PTPRJ: variants seen among roughly 807,000 people sequenced by gnomAD.
PTPRJ encodes the protein receptor-type tyrosine-protein phosphatase eta.
PTPRJ carries 129 observed loss-of-function variants against 141.3 expected under a neutral mutation model. That is an observed-to-expected ratio of 0.91 (90% CI 0.79 to 1.06). The LOEUF (loss-of-function observed/expected upper bound fraction) is 1.06. Ranked by LOEUF, PTPRJ falls within the 50% of genes least tolerant of loss-of-function variation. PTPRJ has a pLI of 0.00. For missense variants in PTPRJ, 1,601 were observed against 1,679.7 expected (o/e 0.95, Z 0.82); for synonymous variants, 610 against 640.5 (o/e 0.95, Z 0.72).
intron 1 of PTPRJ, 134 bp from the exon 2 acceptor site, chr11:48,109,924 G>T: frequency 1.0e-6 from 1 of 981,164 alleles, no homozygotes; most frequent in South Asian, 1.4e-5. Flanking sequence ...GCCTAACCCT[G>T]ACCAGCAGAC....
chr11:48,090,216 A>G (rs926474329), intron 1 of PTPRJ, among the ~76,000 whole-genome samples: 1 of 152,168 alleles, frequency 6.6e-6, no homozygotes, highest in African/African-American at 2.4e-5. Flanking sequence ...CTGCCTGTGC[A>G]TCCTTAGCTG....
intron 2 of PTPRJ, among the ~76,000 whole-genome samples, chr11:48,110,637 T>C (rs942077057): frequency 6.6e-6 from 1 of 152,274 alleles, no homozygotes; most frequent in Non-Finnish European, 1.5e-5. Flanking sequence ...TTTAACTTAG[T>C]TGAAATTGTA....
At position 48,130,728 on chromosome 11, in the gene PTPRJ, G is replaced by C; in HGVS notation, c.1615+12G>C. On this transcript the variant is annotated intron_variant, in intron 8 of 24. Transcript: ENST00000418331. ...TTGCAATAGAACTGGTAAGCAAATA[G>C]GCTTTTCTGTTAAACCATCATGTTT... 6.3e-7 allele frequency: 1 copy of C among 1,581,732 alleles called. No homozygotes were observed. Among genetic ancestry groups the C allele is most frequent in the South Asian group, 1.1e-5 (1 of 87,930 alleles).
chr11:48,115,616 A>G (rs1242881414), intron 3 of PTPRJ, among the ~76,000 whole-genome samples: 1 of 152,244 alleles, frequency 6.6e-6, no homozygotes, highest in Non-Finnish European at 1.5e-5. Flanking sequence ...AAAGGATAAG[A>G]CTAGTAAAAT....
chr11:48,145,715 T>C (rs1857335503), intron 14 of PTPRJ, among the ~76,000 whole-genome samples: 1 of 152,034 alleles, frequency 6.6e-6, no homozygotes, highest in South Asian at 2.1e-4. Flanking sequence ...CCTGCTACCA[T>C]GCCCAGCTAA....
chr11:48,121,798 C>CT (rs200021579), intron 4 of PTPRJ, among the ~76,000 whole-genome samples: 3,182 of 151,248 alleles, frequency 0.021, 111 homozygotes, highest in African/African-American at 0.072. Flanking sequence ...GCAAACTTAG[C>CT]TTTTTTTTTA....
At chr11:47,994,930 T>C (rs1854293313) in intron 1 of PTPRJ, among the ~76,000 whole-genome samples, 1 of 152,162 alleles carries the variant, frequency 6.6e-6, no homozygotes, top group South Asian at 2.1e-4. Context: ...TCTGGGGGTG[T>C]GAGAGCGCTC....
chr11:48,128,083 C>T, intron 7 of PTPRJ, 40 bp downstream of exon 7: 1 of 1,585,868 alleles, frequency 6.3e-7, no homozygotes. Flanking sequence ...TTCCTGCTGT[C>T]CTGCTCCGTG....
intron 1 of PTPRJ, among the ~76,000 whole-genome samples, chr11:48,100,963 C>T (rs1193361681): frequency 6.6e-6 from 1 of 152,054 alleles, no homozygotes; most frequent in East Asian, 1.9e-4. Context: ...AGCATTTTAC[C>T]CTCCTTTGCT....
At chr11:48,035,028 T>C (rs1388065671) in intron 1 of PTPRJ, among the ~76,000 whole-genome samples, 2 of 152,190 alleles carry the variant, frequency 1.3e-5, no homozygotes. Context: ...CTCGAGTTTG[T>C]CTGGCTTCCG....
chr11:47,986,156 C>T (rs143021948), intron 1 of PTPRJ, among the ~76,000 whole-genome samples: 17 of 152,282 alleles, frequency 1.1e-4, no homozygotes, highest in Admixed American at 2.0e-4. Flanking sequence ...GTATGATCTG[C>T]TCCATTTGTA....
chr11:48,127,033 C>T (rs181750292), intron 6 of PTPRJ, among the ~76,000 whole-genome samples: 33 of 152,286 alleles, frequency 2.2e-4, no homozygotes, highest in Non-Finnish European at 4.3e-4. Context: ...TGTGTCAGGA[C>T]AGGAGGCCCA....
intron 1 of PTPRJ, among the ~76,000 whole-genome samples, chr11:48,085,867 TGA>T (rs1415477994): frequency 6.6e-6 from 1 of 152,208 alleles, no homozygotes; most frequent in Non-Finnish European, 1.5e-5. Flanking sequence ...TCTGTATGAA[TGA>T]GAGGTTTGCC....
chr11:48,005,905 A>G (rs929255648), intron 1 of PTPRJ, among the ~76,000 whole-genome samples: 1 of 152,238 alleles, frequency 6.6e-6, no homozygotes, highest in African/African-American at 2.4e-5. Context: ...AATAAGCTGC[A>G]TGGCTAGACA....
chr11:48,153,758 G>A (rs777216705), intron 18 of PTPRJ, 38 bp from the exon 19 acceptor site: 6 of 1,329,470 alleles, frequency 4.5e-6, no homozygotes, highest in Non-Finnish European at 6.5e-6. Flanking sequence ...AATATTTGAA[G>A]ACTAAATAAA....
chr11:48,117,265 G>A (rs1348802154), intron 3 of PTPRJ, among the ~76,000 whole-genome samples: 1 of 152,094 alleles, frequency 6.6e-6, no homozygotes, highest in African/African-American at 2.4e-5. Context: ...AGCTCCCTGG[G>A]CACAGTGGCT....
chr11:48,071,890 C>T (rs778877463), intron 1 of PTPRJ, among the ~76,000 whole-genome samples: 1 of 144,364 alleles, frequency 6.9e-6, no homozygotes, highest in Non-Finnish European at 1.5e-5. Flanking sequence ...GTGTGAGCTA[C>T]CACGCCTGGC....
intron 1 of PTPRJ, among the ~76,000 whole-genome samples, chr11:48,061,334 A>G (rs1030092740): frequency 2.6e-5 from 4 of 152,074 alleles, no homozygotes; most frequent in Admixed American, 2.6e-4. Context: ...AGGAGTGGCC[A>G]CCTGACCCTG....
Position 48,101,050 on chromosome 11 carries a change from C to T in PTPRJ, c.97-9008C>T, listed in dbSNP as rs376062342. Among the ~76,000 whole-genome samples, 31 of 152,222 alleles carry T rather than the reference C, an allele frequency of 2.0e-4. No individual in the cohort carries two copies. In the South Asian group the frequency reaches 2.3e-3, roughly 11 times the overall value. The stretch of plus-strand genomic sequence containing the variant: ...CAGGTTCCTGTAGCTGGTAGGATCC[C>T]GCTGTCCTCAAAGTTCCTGCACTCA... On this transcript the variant is annotated intron_variant, in intron 1 of 24. Transcript: ENST00000418331.
Sources: allele counts gnomAD v4.1 joint callset (sites outside exome capture counted in the v4.1 genomes callset), GRCh38; gene constraint gnomAD v4.1.1; transcripts MANE v1.5; gene names NCBI Gene and HGNC (gene_info 2026-07-23, HGNC 2026-07-21).